DBX2: variants seen among roughly 807,000 people sequenced by gnomAD.
DBX2 encodes homeobox protein DBX2.
Under a neutral mutation model 17.7 loss-of-function variants are expected in DBX2, and 16 were observed. That is an observed-to-expected ratio of 0.90 (90% confidence interval 0.61 to 1.37). The LOEUF is 1.37. Ranked by LOEUF, DBX2 falls within the 40% of genes most tolerant of loss-of-function variation. DBX2 has a pLI of 0.00. For synonymous variants in DBX2, 255 were observed against 183.8 expected (o/e 1.39, Z -3.13); for missense variants, 538 against 433.8 (o/e 1.24, Z -2.13).
chr12:45,018,270 C>T (rs999834520), intron 3 of DBX2, among the ~76,000 whole-genome samples: 6 of 152,158 alleles, frequency 3.9e-5, no homozygotes, highest in Admixed American at 1.3e-4. Flanking sequence ...TTTGTCATCA[C>T]ATTTGTTATT....
In DBX2 at chr12:45,050,828, G is replaced by A. The variant is rs1478455599; in HGVS notation, c.100C>T (p.Leu34=). ...TTCTCGATCAGGAAACTCTTGCCCA[G>A]GTTGCCAAAGCCGGGCGCAGCGGGG... ...NLPAAPGFGN[L]GKSFLIENLL... is the part of the protein sequence containing the mutation. The change falls in exon 1 of 4, where the codon CTG becomes TTG. Residue 34 remains leucine (L), a synonymous_variant. Coordinates refer to ENST00000332700, the MANE Select transcript of DBX2 (RefSeq NM_001004329.3). 2 of 1,539,600 alleles carry A rather than the reference G, an allele frequency of 1.3e-6. No individual in the cohort carries two copies. The highest frequency in any genetic ancestry group is 1.2e-5 in the South Asian group (1 of 82,000).
chr12:45,048,501 A>C (rs1946512145), intron 1 of DBX2, among the ~76,000 whole-genome samples: 1 of 152,214 alleles, frequency 6.6e-6, no homozygotes, highest in Non-Finnish European at 1.5e-5. Flanking sequence ...AATTGTTGGC[A>C]GTCCATTATA....
chr12:45,035,158 G>A (rs929198732), intron 2 of DBX2, among the ~76,000 whole-genome samples: 1 of 152,206 alleles, frequency 6.6e-6, no homozygotes, highest in African/African-American at 2.4e-5. Context: ...AGGCAGCAGC[G>A]ATCTGAATTC....
At chr12:45,038,398 A>G (rs1173637047) in intron 1 of DBX2, among the ~76,000 whole-genome samples, 1 of 151,762 alleles carries the variant, frequency 6.6e-6, no homozygotes. Context: ...CTGGAAACAG[A>G]AAACAAAAAA....
chr12:45,036,070 C>T lies in DBX2; in HGVS notation c.448G>A (p.Ala150Thr), dbSNP rs202178921. The change falls in exon 2 of 4, where the codon GCG becomes ACG. Residue 150 changes from alanine (A) to threonine (T), a missense_variant. Transcript: ENST00000332700. ...FLLSTPPFYS[A>T]CCGGSCRRPA... ...CGCCGACAGGACCCACCGCAGCACG[C>T]CGAGTAGAATGGCGGGGTGCTCAGA... 27 of 1,613,584 alleles carry T rather than the reference C, an allele frequency of 1.7e-5. No homozygotes were observed. Among genetic ancestry groups the T allele is most frequent in the Non-Finnish European group, 2.3e-5 (27 of 1,179,894 alleles).
intron 2 of DBX2, among the ~76,000 whole-genome samples, chr12:45,032,663 A>G (rs1021773214): frequency 3.9e-5 from 6 of 152,204 alleles, no homozygotes; most frequent in African/African-American, 1.4e-4. Context: ...CTTAAAATGT[A>G]GAATATAAGT....
At chr12:45,031,569 A>AT (rs1946411321) in intron 2 of DBX2, among the ~76,000 whole-genome samples, 1 of 152,064 alleles carries the variant, frequency 6.6e-6, no homozygotes, top group African/African-American at 2.4e-5. Context: ...AAAAATATTC[A>AT]ATTTTTTTCC....
chr12:45,036,250 T>A, intron 1 of DBX2, 136 bp from the exon 2 acceptor site: 1 of 804,924 alleles, frequency 1.2e-6, no homozygotes, highest in Non-Finnish European at 1.8e-6. Flanking sequence ...TATTATAAAG[T>A]AGCCTTTGTC....
At chr12:45,026,567 A>T (rs539564496) in intron 2 of DBX2, among the ~76,000 whole-genome samples, 20 of 152,260 alleles carry the variant, frequency 1.3e-4, no homozygotes, top group African/African-American at 4.8e-4. Context: ...AAATGTACTA[A>T]CCCTACACAA....
chr12:45,042,291 C>T (rs1229379934), intron 1 of DBX2, among the ~76,000 whole-genome samples: 1 of 152,130 alleles, frequency 6.6e-6, no homozygotes, highest in Non-Finnish European at 1.5e-5. Context: ...CAGACTTCTA[C>T]TGAAATACAG....
chr12:45,049,912 T>G (rs1388887491), intron 1 of DBX2, among the ~76,000 whole-genome samples: 1 of 152,208 alleles, frequency 6.6e-6, no homozygotes, highest in Non-Finnish European at 1.5e-5. Flanking sequence ...CAGCTGTTTT[T>G]CAGCTCAGCA....
At chr12:45,016,998 C>A (rs1226533197) in intron 3 of DBX2, among the ~76,000 whole-genome samples, 1 of 151,978 alleles carries the variant, frequency 6.6e-6, no homozygotes, top group Non-Finnish European at 1.5e-5. Context: ...GTTGCCCAGG[C>A]TGGTCTTGAA....
intron 1 of DBX2, among the ~76,000 whole-genome samples, chr12:45,050,243 C>T (rs1406776972): frequency 6.6e-6 from 1 of 152,128 alleles, no homozygotes; most frequent in African/African-American, 2.4e-5. Context: ...CCAGTTAAGG[C>T]CAAAAAGTTA....
At chr12:45,021,116 T>A (rs1342882670) in intron 3 of DBX2, among the ~76,000 whole-genome samples, 2 of 152,206 alleles carry the variant, frequency 1.3e-5, no homozygotes, top group African/African-American at 4.8e-5. Context: ...GACTGATATA[T>A]TTACAAATTG....
At chr12:45,028,900 T>G (rs1391401960) in intron 2 of DBX2, among the ~76,000 whole-genome samples, 1 of 152,220 alleles carries the variant, frequency 6.6e-6, no homozygotes, top group Non-Finnish European at 1.5e-5. Context: ...CATAAAGTGA[T>G]GCAATGCAGT....
chr12:45,023,330 A>G (rs1431548984), intron 3 of DBX2, among the ~76,000 whole-genome samples: 1 of 152,216 alleles, frequency 6.6e-6, no homozygotes, highest in East Asian at 1.9e-4. Flanking sequence ...TACTTTTTGA[A>G]GAATTATTTA....
chr12:45,016,813 T>G (rs1946326570), intron 3 of DBX2, among the ~76,000 whole-genome samples, 195 bp from the exon 4 acceptor site: 1 of 152,150 alleles, frequency 6.6e-6, no homozygotes, highest in African/African-American at 2.4e-5. Context: ...TATTATTTTT[T>G]TTGAGATGGG....
intron 1 of DBX2, among the ~76,000 whole-genome samples, chr12:45,039,674 A>G (rs1206103300): frequency 6.6e-6 from 1 of 152,116 alleles, no homozygotes; most frequent in African/African-American, 2.4e-5. Context: ...TCATTGATTC[A>G]TTAACATTCG....
In DBX2 at chr12:45,020,675, G is replaced by GTATATATA. The variant is rs10649840; in HGVS notation, c.687+3024_687+3031dup. Reference sequence around the variant, plus strand: ...TTTATGTATGTATATGTATATATATGTATATATATATATATACACACACAC... The same window carrying GTATATATA: ...TTTATGTATGTATATGTATATATATGTATATATATATATATATATATATACACACACAC... On this transcript the variant is annotated intron_variant, in intron 3 of 3. Transcript: ENST00000332700. Among the ~76,000 whole-genome samples the GTATATATA allele has an allele frequency of 4.4e-3, 641 of 145,974 alleles. 4 individuals carry two copies. Among genetic ancestry groups the GTATATATA allele is most frequent in the African/African-American group, 0.014 (571 of 39,654 alleles).
Sources: allele counts gnomAD v4.1 joint callset (sites outside exome capture counted in the v4.1 genomes callset), GRCh38; gene constraint gnomAD v4.1.1; transcripts MANE v1.5; gene names NCBI Gene and HGNC (gene_info 2026-07-23, HGNC 2026-07-21).